Variants in SPEN observed in about 807,000 individuals in gnomAD.
SPEN encodes msx2-interacting protein.
SPEN carries 18 observed loss-of-function variants against 269.9 expected under a neutral mutation model. The ratio of observed to expected loss-of-function variants is 0.07; its 90% CI spans 0.05 to 0.10. SPEN has a LOEUF of 0.10. Ranked by LOEUF, SPEN falls within the 10% of genes least tolerant of loss-of-function variation. The probability of loss-of-function intolerance (pLI) is 1.00; values close to 1 mark genes in which losing one functional copy is unlikely to be tolerated. For synonymous variants in SPEN, 1,726 were observed against 1,765.7 expected, an observed-to-expected ratio of 0.98 and a Z score of 0.56; for missense variants, 3,822 against 4,631.2, an observed-to-expected ratio of 0.83 and a Z score of 5.07.
At chr1:15,938,617 C>G in intron 13 of SPEN, 101 bp from the exon 14 acceptor site, 1 of 518,822 alleles carries the variant, frequency 1.9e-6, no homozygotes, top group Non-Finnish European at 2.9e-6. Flanking sequence ...TTAAAGTCAT[C>G]TCAGAGGTGG....
intron 1 of SPEN, among the ~76,000 whole-genome samples, chr1:15,859,905 C>CTTATTTTT (rs2070426144): frequency 1.3e-5 from 1 of 79,620 alleles, no homozygotes; most frequent in Non-Finnish European, 2.1e-5. Context: ...CAGTTAACAT[C>CTTATTTTT]TTTTTTTTTT....
At chr1:15,909,601 T>G in intron 4 of SPEN, 120 bp downstream of exon 4, 2 of 1,059,100 alleles carry the variant, frequency 1.9e-6, no homozygotes, top group Non-Finnish European at 2.8e-6. Flanking sequence ...TTTCGAAATA[T>G]TAACGTTTTA....
intron 9 of SPEN, among the ~76,000 whole-genome samples, chr1:15,921,979 C>T (rs1402805213): frequency 6.6e-6 from 1 of 152,106 alleles, no homozygotes; most frequent in Non-Finnish European, 1.5e-5. Flanking sequence ...TACTTAATTG[C>T]CATTTCAGTT....
chr1:15,934,745 C>G lies in SPEN; in HGVS notation c.8505C>G (p.Ser2835Arg). The G allele has an allele frequency of 6.2e-7, 1 of 1,614,152 alleles. No individual in the cohort carries two copies. Among genetic ancestry groups the G allele is most frequent in the Non-Finnish European group, 8.5e-7 (1 of 1,180,008 alleles). ...EGPQRISAKI[S>R]QIPPASAMDI... ...CACAGCGGATCAGCGCCAAGATCAG[C>G]CAGATCCCCCCGGCCAGTGCAATGG... Residue 2835 changes from serine to arginine, a missense_variant, in exon 11 of 15, where the codon AGC becomes AGG. Ser to Arg is a moderately radical substitution (Grantham distance 110, BLOSUM62 -1). This residue lies in a region of SPEN where 329 missense variants were observed against 431.2 expected (regional missense o/e 0.76). Transcript: ENST00000375759. This position sits in a 1 kb window ranked among gnomAD's most constrained non-coding sequence, Gnocchi z 9.2.
chr1:15,883,111 TAAAA>T (rs1557742253), intron 3 of SPEN, among the ~76,000 whole-genome samples: 2 of 152,238 alleles, frequency 1.3e-5, no homozygotes, highest in South Asian at 4.1e-4. Context: ...AGCTGATTTT[TAAAA>T]AATGTATTTC....
chr1:15,937,362 C>G lies in SPEN; in HGVS notation c.10226C>G (p.Ala3409Gly). ...VEQPRLPAGP[A>G]NRPPEPHTQV... ...CAGCCTCGCCTCCCAGCTGGACCTG[C>G]AAACAGGCCACCTGAGCCTCACACC... Residue 3409 changes from alanine to glycine, a missense_variant, in exon 12 of 15, where the codon GCA (alanine) becomes GGA (glycine). By Grantham distance (60) the Ala-to-Gly change is moderately conservative. Transcript: ENST00000375759. This position sits in a 1 kb window ranked among gnomAD's most constrained non-coding sequence, Gnocchi z 5.7. The G allele has an allele frequency of 6.2e-7, 1 of 1,614,000 alleles. No homozygotes were observed. The highest frequency in any genetic ancestry group is 8.5e-7 in the Non-Finnish European group (1 of 1,180,026).
chr1:15,914,419 TATAATTGTTATCAAC>T (rs1425010310), intron 5 of SPEN, among the ~76,000 whole-genome samples: 16 of 152,252 alleles, frequency 1.1e-4, no homozygotes, highest in Admixed American at 2.6e-4. Context: ...AGTAGTTTCC[TATAATTGTTATCAAC>T]AAAACCTTGA....
At chr1:15,920,131 G>A (rs1343413168) in intron 8 of SPEN, among the ~76,000 whole-genome samples, 2 of 151,848 alleles carry the variant, frequency 1.3e-5, no homozygotes, top group African/African-American at 2.4e-5. Flanking sequence ...GTGCAGCGGC[G>A]GGATCTCAGC....
chr1:15,908,693 C>T (rs770162233), intron 3 of SPEN, among the ~76,000 whole-genome samples: 11 of 152,180 alleles, frequency 7.2e-5, no homozygotes, highest in African/African-American at 1.2e-4. Flanking sequence ...GCATTACAGG[C>T]GTGAGCCACT....
At chr1:15,861,208 A>G (rs2070444910) in intron 1 of SPEN, among the ~76,000 whole-genome samples, 1 of 145,604 alleles carries the variant, frequency 6.9e-6, no homozygotes, top group Non-Finnish European at 1.5e-5. Context: ...GTCTCGGCTC[A>G]CTGCATTCCA....
At position 15,935,135 on chromosome 1, in the gene SPEN, C is replaced by G. The variant is rs1438952195; in HGVS notation, c.8895C>G (p.Thr2965=). 1 of 1,613,928 alleles carries G rather than the reference C, an allele frequency of 6.2e-7. No individual in the cohort carries two copies. Among genetic ancestry groups the G allele is most frequent in the Non-Finnish European group, 8.5e-7 (1 of 1,179,996 alleles). Residue 2965 remains threonine, a synonymous_variant, in exon 11 of 15, where the codon ACC becomes ACG. Transcript: ENST00000375759. The surrounding 1 kb of genome is among the most constrained non-coding windows in gnomAD (Gnocchi z 7.7). ...ACAAGAAGCTTGCTGACCCCGTCAC[C>G]CTTAAAATCGAGACCAAGGTCCTTC... ...TTNKKLADPV[T]LKIETKVLQP...
intron 11 of SPEN, among the ~76,000 whole-genome samples, chr1:15,936,772 A>G (rs1366906410): frequency 6.6e-6 from 1 of 152,200 alleles, no homozygotes; most frequent in Non-Finnish European, 1.5e-5. Flanking sequence ...CTCTGTCCCT[A>G]CTTAAAGAAA....
intron 6 of SPEN, chr1:15,917,582 G>C (rs1275513545): frequency 6.6e-6 from 1 of 152,152 alleles, no homozygotes; most frequent in Non-Finnish European, 1.5e-5. Flanking sequence ...TAGAGGCGGG[G>C]TTTCACCGTG....
intron 5 of SPEN, among the ~76,000 whole-genome samples, chr1:15,912,345 G>A (rs2071020000): frequency 6.6e-6 from 1 of 152,118 alleles, no homozygotes; most frequent in African/African-American, 2.4e-5. Flanking sequence ...CAGAACTTGT[G>A]AATAAATTTG....
chr1:15,880,263 T>C (rs1450404299), intron 3 of SPEN, among the ~76,000 whole-genome samples: 3 of 152,064 alleles, frequency 2.0e-5, no homozygotes, highest in Non-Finnish European at 2.9e-5. Context: ...TATTTTTTTT[T>C]CCCTTCTGAG....
chr1:15,939,625 A>C lies in SPEN; in HGVS notation c.*198A>C. The C allele has an allele frequency of 1.9e-6, 1 of 538,722 alleles. No homozygotes were observed. Among genetic ancestry groups the C allele is most frequent in the Non-Finnish European group, 3.0e-6 (1 of 331,154 alleles). The allele number at this position is 538,722 out of a possible 1,614,324, so 33.4% of individuals were successfully genotyped here. On this transcript the variant is annotated 3_prime_UTR_variant, in exon 15 of 15. Transcript: ENST00000375759. This position sits in a 1 kb window ranked among gnomAD's most constrained non-coding sequence, Gnocchi z 4.1. Reference sequence around the variant, plus strand: ...TGGTGCTGCTACCTTGTATGTTTACATAATGCTTTAGCCCAAGGACACATC... The same window carrying C: ...TGGTGCTGCTACCTTGTATGTTTACCTAATGCTTTAGCCCAAGGACACATC...
chr1:15,858,438 G>A (rs1165182270), intron 1 of SPEN, among the ~76,000 whole-genome samples: 1 of 152,122 alleles, frequency 6.6e-6, no homozygotes, highest in Non-Finnish European at 1.5e-5. Context: ...TTGCCACCGT[G>A]TAGTCCTCCT....
intron 10 of SPEN, among the ~76,000 whole-genome samples, chr1:15,924,482 C>G (rs1022846503): frequency 6.6e-6 from 1 of 151,516 alleles, no homozygotes. Flanking sequence ...TTTTTTGAGA[C>G]AGAGTTTCCC....
chr1:15,929,428 C>G lies in SPEN; in HGVS notation c.3188C>G (p.Pro1063Arg). The G allele has an allele frequency of 6.2e-7, 1 of 1,613,770 alleles. No homozygotes were observed. The highest frequency in any genetic ancestry group is 8.5e-7 in the Non-Finnish European group (1 of 1,179,882). ...KLDRLNTVAS[P>R]KDCQELASIS... ...GACAGACTTAATACTGTTGCCAGCC[C>G]CAAAGACTGTCAGGAGCTTGCCAGT... Residue 1063 changes from proline (P) to arginine (R), a missense_variant, in exon 11 of 15, where the codon CCC becomes CGC. Transcript: ENST00000375759. This position sits in a 1 kb window ranked among gnomAD's most constrained non-coding sequence, Gnocchi z 5.8.
Sources: gnomAD v4.1 joint callset for allele counts (sites outside exome capture counted in the v4.1 genomes callset) on GRCh38, gnomAD v4.1.1 for gene constraint, gnomAD v4.1.1 regional missense constraint, Gnocchi (gnomAD v3.1) non-coding constraint, MANE v1.5 for transcripts, NCBI Gene and HGNC (gene_info 2026-07-23, HGNC 2026-07-21) for gene names.